Variants in OSBP2 observed in about 807,000 individuals in gnomAD.
OSBP2 encodes oxysterol binding protein 2.
Under a neutral mutation model 96.0 loss-of-function variants are expected in OSBP2, and 66 were observed. That is an observed-to-expected ratio of 0.69 (90% confidence interval 0.56 to 0.84). The LOEUF is 0.84. OSBP2 is among the 40% of genes least tolerant of loss of function. OSBP2 has a pLI of 0.00. For synonymous variants in OSBP2, 525 were observed against 520.9 expected (o/e 1.01, Z -0.11); for missense variants, 1,038 against 1,222.7 (o/e 0.85, Z 2.25).
In OSBP2 at chr22:30,870,397, A is replaced by T. The variant is rs1395791588; in HGVS notation, c.854-32A>T. On this transcript the variant is annotated intron_variant, in intron 2 of 13. Transcript: ENST00000332585. The surrounding 1 kb of genome is among the most constrained non-coding windows in gnomAD (Gnocchi z 4.1). ...GCCTCTTGGTACCACGTCTGTTCGT[A>T]ATGACCGTAACAACTCTATTTTCTT... 5.0e-6 allele frequency: 8 copies of T among 1,610,818 alleles called. No homozygotes were observed. Among genetic ancestry groups the T allele is most frequent in the South Asian group, 1.1e-5 (1 of 90,958 alleles).
intron 2 of OSBP2, among the ~76,000 whole-genome samples, chr22:30,837,921 G>A (rs2038670803): frequency 6.6e-6 from 1 of 152,176 alleles, no homozygotes; most frequent in South Asian, 2.1e-4. Flanking sequence ...TGTGCTTTTT[G>A]TGAAAGAGCA....
At chr22:30,850,043 C>T (rs553601073) in intron 2 of OSBP2, among the ~76,000 whole-genome samples, 3 of 152,208 alleles carry the variant, frequency 2.0e-5, no homozygotes, top group African/African-American at 7.2e-5. Context: ...TGGCTCACAC[C>T]TGTAATCCCA....
chr22:30,898,700 T>A (rs575586594), intron 12 of OSBP2, among the ~76,000 whole-genome samples: 9 of 151,768 alleles, frequency 5.9e-5, no homozygotes, highest in African/African-American at 1.9e-4. Context: ...TCCCACCCGG[T>A]CCCTCCCCTG....
chr22:30,855,140 A>T (rs2039055404), intron 2 of OSBP2, among the ~76,000 whole-genome samples: 1 of 152,240 alleles, frequency 6.6e-6, no homozygotes, highest in Non-Finnish European at 1.5e-5. Context: ...GCCAAACCAT[A>T]TGAGTAGGTC....
chr22:30,756,354 C>T (rs1413170982), intron 2 of OSBP2, among the ~76,000 whole-genome samples: 1 of 152,152 alleles, frequency 6.6e-6, no homozygotes, highest in African/African-American at 2.4e-5. Context: ...GTGGGTCCCT[C>T]TGCCTCTGTC....
intron 2 of OSBP2, among the ~76,000 whole-genome samples, chr22:30,858,259 G>C (rs1374757597): frequency 6.6e-6 from 1 of 150,788 alleles, no homozygotes; most frequent in Non-Finnish European, 1.5e-5. Flanking sequence ...CCATTCTCCT[G>C]CCTCAGCCTC....
At chr22:30,747,048 T>C (rs2090011552) in intron 2 of OSBP2, among the ~76,000 whole-genome samples, 1 of 152,194 alleles carries the variant, frequency 6.6e-6, no homozygotes, top group African/African-American at 2.4e-5. Flanking sequence ...TACATCAATT[T>C]GACTGAAGGT....
chr22:30,856,038 G>T (rs1254445443), intron 2 of OSBP2, among the ~76,000 whole-genome samples: 1 of 152,224 alleles, frequency 6.6e-6, no homozygotes, highest in South Asian at 2.1e-4. Context: ...CATTGGTTGG[G>T]CTTTGAGGAG....
intron 2 of OSBP2, among the ~76,000 whole-genome samples, chr22:30,757,207 A>G (rs1186539323): frequency 6.6e-6 from 1 of 152,048 alleles, no homozygotes; most frequent in African/African-American, 2.4e-5. Context: ...CCACACTGCA[A>G]AAGATCTTGC....
At chr22:30,885,742 T>G (rs1159433591) in intron 3 of OSBP2, among the ~76,000 whole-genome samples, 1 of 152,206 alleles carries the variant, frequency 6.6e-6, no homozygotes, top group Non-Finnish European at 1.5e-5. Flanking sequence ...GGCCGCAGAA[T>G]GCTCGGGCCC....
intron 12 of OSBP2, chr22:30,902,786 G>C: frequency 2.4e-6 from 1 of 415,310 alleles, no homozygotes; most frequent in Non-Finnish European, 4.8e-6. Flanking sequence ...GAATGAGCCT[G>C]CGGTTGGGAG....
chr22:30,856,101 G>T (rs772419916), intron 2 of OSBP2, among the ~76,000 whole-genome samples: 1 of 152,194 alleles, frequency 6.6e-6, no homozygotes. Context: ...TGAGGACTGG[G>T]GTAGAAAAAC....
Position 30,906,331 on chromosome 22 carries a change from A to G in OSBP2, c.2743A>G (p.Ile915Val). The change falls in exon 14 of 14, where the codon ATC becomes GTC. Residue 915 changes from isoleucine (I) to valine (V), a missense_variant. Ile to Val is a conservative substitution (Grantham distance 29, BLOSUM62 3). Transcript: ENST00000332585. Reference protein sequence around the residue: ...EKQDWHMCPNIF With the variant: ...EKQDWHMCPNVF ...GCAAGACTGGCATATGTGCCCCAACATCTTCTGAGCGCCACCCTTGCAACA... is the reference window on the plus strand; with the variant it reads ...GCAAGACTGGCATATGTGCCCCAACGTCTTCTGAGCGCCACCCTTGCAACA... 6.2e-7 allele frequency: 1 copy of G among 1,607,358 alleles called. No homozygotes were observed. The highest frequency in any genetic ancestry group is 8.5e-7 in the Non-Finnish European group (1 of 1,175,948).
At chr22:30,723,796 A>G (rs1390160210) in intron 1 of OSBP2, among the ~76,000 whole-genome samples, 2 of 152,140 alleles carry the variant, frequency 1.3e-5, no homozygotes, top group African/African-American at 4.8e-5. Flanking sequence ...AGGATTTCCC[A>G]TCTACTCTCT....
intron 2 of OSBP2, among the ~76,000 whole-genome samples, chr22:30,769,131 C>G (rs1266273632): frequency 6.6e-6 from 1 of 152,184 alleles, no homozygotes; most frequent in South Asian, 2.1e-4. Flanking sequence ...GAGGGGGCCC[C>G]TCGGTCAGTT....
chr22:30,886,430 T>C lies in OSBP2; in HGVS notation c.1108-996T>C, dbSNP rs900293545. Among the ~76,000 whole-genome samples the C allele has an allele frequency of 3.3e-5, 5 of 152,194 alleles. No homozygotes were observed. The South Asian group carries it at 8.3e-4, about 25-fold the overall frequency. On this transcript the variant is annotated intron_variant, in intron 3 of 13. Transcript: ENST00000332585. ...TTATAGTGGCTCCCCTTGGAGACAATAGATGACAAATGTTTCCTAATCAGA... is the reference window on the plus strand; with the variant it reads ...TTATAGTGGCTCCCCTTGGAGACAACAGATGACAAATGTTTCCTAATCAGA...
chr22:30,734,133 C>T (rs750107391), intron 1 of OSBP2, among the ~76,000 whole-genome samples: 13 of 152,162 alleles, frequency 8.5e-5, no homozygotes, highest in Non-Finnish European at 1.5e-4. Context: ...CACCACCAGG[C>T]CCATTTAATT....
intron 2 of OSBP2, among the ~76,000 whole-genome samples, chr22:30,831,915 G>A (rs376604027): frequency 5.9e-5 from 9 of 152,054 alleles, no homozygotes; most frequent in Non-Finnish European, 7.4e-5. Context: ...TGATCTCCTT[G>A]GCCCAAAGTT....
chr22:30,732,495 C>T (rs2089795368), intron 1 of OSBP2, among the ~76,000 whole-genome samples: 1 of 152,124 alleles, frequency 6.6e-6, no homozygotes, highest in Non-Finnish European at 1.5e-5. Context: ...AGTCACTCCC[C>T]TCTTTGTTGG....
Sources: allele counts gnomAD v4.1 joint callset (sites outside exome capture counted in the v4.1 genomes callset), GRCh38; gene constraint gnomAD v4.1.1; non-coding constraint Gnocchi (gnomAD v3.1); transcripts MANE v1.5; gene names NCBI Gene and HGNC (gene_info 2026-07-23, HGNC 2026-07-21).